The following SULF1 variants were observed in gnomAD, a reference collection of about 807,000 sequenced individuals.
The protein encoded by SULF1 is extracellular sulfatase Sulf-1.
Under a neutral mutation model 110.5 loss-of-function variants are expected in SULF1, and 46 were observed. The ratio of observed to expected loss-of-function variants is 0.42; its 90% confidence interval spans 0.33 to 0.53. The LOEUF is 0.53. Among genes scored for constraint, SULF1 ranks in the 20% least tolerant of loss-of-function variants. The pLI, the probability that SULF1 is intolerant of heterozygous loss-of-function variation, is 0.12. For missense variants in SULF1, 941 were observed against 1,094.2 expected (o/e 0.86, Z 1.98); for synonymous variants, 371 against 387.1 (o/e 0.96, Z 0.49).
rs1389395603 is a variant in SULF1 at position 69,493,438 on chromosome 8, C to CA, written c.-391+314dup. 3.0e-4 allele frequency among the ~76,000 whole-genome samples: 44 copies of CA among 147,092 alleles called. 1 individual carries two copies. The East Asian group carries it at 5.8e-3, about 19-fold the overall frequency. ...TGTTGATACACACCACACACACACA[C>CA]ACACAACACTACACACACACACACA... is the stretch of plus-strand genomic sequence containing the variant. On this transcript the variant is annotated intron_variant, in intron 1 of 22. Transcript: ENST00000402687.
intron 6 of SULF1, among the ~76,000 whole-genome samples, chr8:69,581,796 G>T (rs1345526959): frequency 6.6e-6 from 1 of 152,096 alleles, no homozygotes; most frequent in African/African-American, 2.4e-5. Context: ...AAGAGGCCGG[G>T]GTGATTACAA....
upstream of SULF1, among the ~76,000 whole-genome samples, chr8:69,490,086 C>A: frequency 6.7e-6 from 1 of 150,106 alleles, no homozygotes; most frequent in East Asian, 2.0e-4. Context: ...TTCTGGATCC[C>A]AAGTTCCATA....
chr8:69,473,243 T>C (rs1426396418), intron 1 of SULF1: 1 of 152,232 alleles, frequency 6.6e-6, no homozygotes, highest in Non-Finnish European at 1.5e-5. Flanking sequence ...ACTACACAGG[T>C]ACAAACCTGT....
At chr8:69,629,979 TA>T (rs1194189683) in intron 19 of SULF1, among the ~76,000 whole-genome samples, 1 of 152,196 alleles carries the variant, frequency 6.6e-6, no homozygotes, top group Admixed American at 6.5e-5. Flanking sequence ...GTTCTATAGC[TA>T]AATAACGCAA....
chr8:69,561,664 C>G (rs1030709253), intron 3 of SULF1, among the ~76,000 whole-genome samples: 3 of 152,192 alleles, frequency 2.0e-5, no homozygotes, highest in Non-Finnish European at 4.4e-5. Context: ...GGTTCATTTA[C>G]AGTATAGTGG....
chr8:69,490,918 C>T (rs1340533148), upstream of SULF1, among the ~76,000 whole-genome samples: 4 of 152,170 alleles, frequency 2.6e-5, no homozygotes, highest in Non-Finnish European at 4.4e-5. Flanking sequence ...CTGAGCATAA[C>T]AAAATGAGAG....
intron 8 of SULF1, among the ~76,000 whole-genome samples, chr8:69,595,297 T>TA (rs1488129160): frequency 6.6e-6 from 1 of 152,120 alleles, no homozygotes; most frequent in Non-Finnish European, 1.5e-5. Flanking sequence ...CCACCAGACT[T>TA]ACTCAGTTCA....
rs1187572853 is a variant in SULF1, at chr8:69,659,062, A to G, written c.*527A>G. The G allele has an allele frequency of 2.2e-6, 1 of 457,124 alleles. No homozygotes were observed. The highest frequency in any genetic ancestry group is 4.4e-6 in the Non-Finnish European group (1 of 227,076). The allele number at this position is 457,124 out of a possible 1,614,324, so 28.3% of individuals were successfully genotyped here. A position where few individuals can be genotyped will look rare whatever the true frequency, so the allele number is the denominator to read the frequency against. On this transcript the variant is annotated 3_prime_UTR_variant, in exon 23 of 23. Coordinates refer to ENST00000402687, the MANE Select transcript of SULF1 (RefSeq NM_001128205.2). The stretch of plus-strand genomic sequence containing the variant: ...AGAGCTAGAGCTCGGGCCCAGCCCC[A>G]GGCTGCAGCCCATTCGCAGGCACCC...
At chr8:69,648,149 AAAAAC>A (rs1254608698) in intron 22 of SULF1, among the ~76,000 whole-genome samples, 187 of 151,776 alleles carry the variant, frequency 1.2e-3, no homozygotes, top group African/African-American at 4.2e-3. Context: ...GAAAAAAAAA[AAAAAC>A]AAAGAGCTCA....
At chr8:69,508,881 G>A (rs1811372015) in intron 3 of SULF1, among the ~76,000 whole-genome samples, 1 of 152,164 alleles carries the variant, frequency 6.6e-6, no homozygotes, top group South Asian at 2.1e-4. Flanking sequence ...AGTCGGTGCT[G>A]TGCTGGAGGC....
At chr8:69,537,458 A>G (rs901779971) in intron 3 of SULF1, among the ~76,000 whole-genome samples, 3 of 152,090 alleles carry the variant, frequency 2.0e-5, no homozygotes, top group African/African-American at 7.2e-5. Context: ...CTGTTAAGAG[A>G]TTTTTTTTGA....
At chr8:69,519,311 G>T (rs1812139671) in intron 3 of SULF1, among the ~76,000 whole-genome samples, 1 of 152,072 alleles carries the variant, frequency 6.6e-6, no homozygotes, top group African/African-American at 2.4e-5. Context: ...CATATATCAG[G>T]CATAATAAAT....
At position 69,551,290 on chromosome 8, in the gene SULF1, A is replaced by G. The variant is rs10504450; in HGVS notation, c.-133-12249A>G. 2.6e-4 allele frequency among the ~76,000 whole-genome samples: 39 copies of G among 152,204 alleles called. No individual in the cohort carries two copies. The South Asian group carries it at 8.1e-3, about 32-fold the overall frequency. On this transcript the variant is annotated intron_variant, in intron 3 of 22. Transcript: ENST00000402687. ...TTAGCAGTTGTTTAATGAACATAAC[A>G]AACTCCAGCATTGCTCTGGCCCCTG... is the stretch of plus-strand genomic sequence containing the variant.
intron 2 of SULF1, among the ~76,000 whole-genome samples, chr8:69,500,797 C>A (rs537575740): frequency 6.6e-6 from 1 of 152,078 alleles, no homozygotes; most frequent in Non-Finnish European, 1.5e-5. Flanking sequence ...ATAAAACTAG[C>A]GGCGGCGGAG....
intron 6 of SULF1, 21 bp from the exon 7 acceptor site, chr8:69,586,336 A>T: frequency 1.3e-6 from 2 of 1,546,140 alleles, no homozygotes; most frequent in Non-Finnish European, 1.7e-6. Flanking sequence ...TGAAAAAAAT[A>T]ATTCTTTTTT....
chr8:69,515,818 G>A (rs1811887408), intron 3 of SULF1, among the ~76,000 whole-genome samples: 1 of 152,174 alleles, frequency 6.6e-6, no homozygotes, highest in Admixed American at 6.5e-5. Context: ...TCTCTCTCAA[G>A]TTCAAAGTTT....
In SULF1 at chr8:69,585,444, A is replaced by T. The variant is rs562065787; in HGVS notation, c.413-913A>T. Among the ~76,000 whole-genome samples, 12 of 152,268 alleles carry T rather than the reference A, an allele frequency of 7.9e-5. No individual in the cohort carries two copies. The South Asian group carries it at 2.3e-3, about 29-fold the overall frequency. On this transcript the variant is annotated intron_variant, in intron 6 of 22. Coordinates refer to ENST00000402687, the MANE Select transcript of SULF1 (RefSeq NM_001128205.2). ...TCTTTTTCACTTCAAGAATGAACCC[A>T]TATTGTTCCTGGAATCCCAGCTTCT...
chr8:69,568,446 A>C (rs1251131529), intron 5 of SULF1, among the ~76,000 whole-genome samples: 7 of 152,224 alleles, frequency 4.6e-5, no homozygotes, highest in Admixed American at 4.6e-4. Context: ...GGAGTAAGAC[A>C]CATAAGGAAT....
intron 3 of SULF1, among the ~76,000 whole-genome samples, chr8:69,524,976 A>AT (rs1387319672): frequency 1.3e-5 from 2 of 152,196 alleles, no homozygotes; most frequent in African/African-American, 4.8e-5. Context: ...GGATAGCTTT[A>AT]TAACGTATAA....
Sources: allele counts gnomAD v4.1 joint callset (sites outside exome capture counted in the v4.1 genomes callset), GRCh38; gene constraint gnomAD v4.1.1; transcripts MANE v1.5; gene names NCBI Gene and HGNC (gene_info 2026-07-23, HGNC 2026-07-21).